Variants in USP10 observed in about 807,000 individuals in gnomAD.
USP10 encodes the protein ubiquitin specific peptidase 10.
USP10 carries 22 observed loss-of-function variants against 84.5 expected under a neutral mutation model. That is an observed-to-expected ratio of 0.26 (90% CI 0.19 to 0.37). The LOEUF (loss-of-function observed/expected upper bound fraction) is 0.37, where lower values mean the gene tolerates loss of function less well. Among genes scored for constraint, USP10 ranks in the 10% least tolerant of loss-of-function variants. USP10 has a pLI of 1.00. For synonymous variants in USP10, 454 were observed against 387.6 expected, an observed-to-expected ratio of 1.17 and a Z score of -2.01; for missense variants, 1,019 against 998.9, an observed-to-expected ratio of 1.02 and a Z score of -0.27.
intron 1 of USP10, among the ~76,000 whole-genome samples, chr16:84,716,755 A>G (rs1231962862): frequency 6.6e-6 from 1 of 152,204 alleles, no homozygotes; most frequent in Non-Finnish European, 1.5e-5. Context: ...AGAGACGCCC[A>G]TTACACCAAG....
Position 84,767,773 on chromosome 16 carries a change from A to T in USP10, c.1833-420A>T, listed in dbSNP as rs923300134. ...GGAGGTGCTATTCAGCAGAATTATT[A>T]TTATTTTTTTTAATTTATTTTTTTA... On this transcript the variant is annotated intron_variant, in intron 10 of 13. Coordinates refer to ENST00000219473, the MANE Select transcript of USP10 (RefSeq NM_005153.3). Among the ~76,000 whole-genome samples, 33 of 140,072 alleles carry T rather than the reference A, an allele frequency of 2.4e-4. No homozygotes were observed. In the East Asian group the frequency reaches 2.9e-3, roughly 12 times the overall value. The allele number at this position is 140,072 out of a possible 152,430, so 91.9% of individuals were successfully genotyped here. A position where few individuals can be genotyped will look rare whatever the true frequency, so the allele number is the denominator to read the frequency against.
intron 10 of USP10, among the ~76,000 whole-genome samples, chr16:84,766,045 T>A (rs1040727520): frequency 6.6e-6 from 1 of 152,046 alleles, no homozygotes; most frequent in African/African-American, 2.4e-5. Flanking sequence ...AGTGACACTC[T>A]TAGTCTGTTG....
At chr16:84,709,751 T>C (rs1414799963) in intron 1 of USP10, among the ~76,000 whole-genome samples, 1 of 152,014 alleles carries the variant, frequency 6.6e-6, no homozygotes, top group Non-Finnish European at 1.5e-5. Context: ...ACGGTGACAT[T>C]TGAGCTGGAG....
intron 11 of USP10, among the ~76,000 whole-genome samples, chr16:84,768,731 T>G (rs370618320): frequency 2.0e-5 from 3 of 152,370 alleles, no homozygotes; most frequent in East Asian, 3.9e-4. Flanking sequence ...AGTTAGGATG[T>G]CAGAGAGATT....
At chr16:84,725,444 G>A (rs1425736033) in intron 1 of USP10, among the ~76,000 whole-genome samples, 1 of 151,840 alleles carries the variant, frequency 6.6e-6, no homozygotes, top group Non-Finnish European at 1.5e-5. Flanking sequence ...TTGTTACCCG[G>A]GCTGGAGTGC....
rs556078300 is a variant in USP10 at position 84,745,597 on chromosome 16, G to C, written c.1116G>C (p.Leu372=). Residue 372 remains leucine, a synonymous_variant, in exon 4 of 14, where the codon CTG becomes CTC. Coordinates refer to ENST00000219473, the MANE Select transcript of USP10 (RefSeq NM_005153.3). ...TKYSPPAISP[L]VSEKQVEVKE... is the part of the protein sequence containing the mutation. The stretch of plus-strand genomic sequence containing the variant: ...ATTCCCCTCCCGCCATATCTCCCCT[G>C]GTTTCTGAAAAGCAGGTTGAAGTCA... 1.5e-4 allele frequency: 234 copies of C among 1,613,454 alleles called. No homozygotes were observed. Among genetic ancestry groups the C allele is most frequent in the Non-Finnish European group, 1.7e-4 (198 of 1,179,730 alleles).
chr16:84,719,567 G>A (rs1479205220), intron 1 of USP10, among the ~76,000 whole-genome samples: 1 of 152,186 alleles, frequency 6.6e-6, no homozygotes, highest in East Asian at 1.9e-4. Flanking sequence ...GTCCAATATG[G>A]TTTATGCTGC....
chr16:84,737,086 C>T (rs1424454989), intron 2 of USP10, among the ~76,000 whole-genome samples: 1 of 152,156 alleles, frequency 6.6e-6, no homozygotes, highest in Non-Finnish European at 1.5e-5. Context: ...CCACGCCCGG[C>T]CTAATTTGGT....
chr16:84,762,684 T>C (rs1327423581), intron 8 of USP10, among the ~76,000 whole-genome samples: 5 of 136,222 alleles, frequency 3.7e-5, no homozygotes, highest in African/African-American at 1.4e-4. Flanking sequence ...GAATGAGACT[T>C]TGTCTCAAAA....
intron 1 of USP10, among the ~76,000 whole-genome samples, chr16:84,707,449 A>G (rs1455462168): frequency 6.6e-6 from 1 of 152,254 alleles, no homozygotes; most frequent in Non-Finnish European, 1.5e-5. Context: ...AGTGAAAAGT[A>G]GAAGTCATTC....
intron 1 of USP10, among the ~76,000 whole-genome samples, chr16:84,729,960 A>T (rs923734497): frequency 1.3e-5 from 2 of 152,218 alleles, no homozygotes; most frequent in African/African-American, 4.8e-5. Flanking sequence ...TGAAACTAAC[A>T]TGCTTATGAA....
intron 3 of USP10, among the ~76,000 whole-genome samples, chr16:84,741,462 T>C (rs1910611838): frequency 6.6e-6 from 1 of 152,256 alleles, no homozygotes; most frequent in Non-Finnish European, 1.5e-5. Context: ...ATGCTGCTCA[T>C]GTTGAACCAG....
At position 84,700,017 on chromosome 16, in the gene USP10, C is replaced by G. The variant is rs1334014818; in HGVS notation, c.-74C>G. ...GCCGATGCGAGTGTGTATGTGCGGG[C>G]GAGAAGATGGCGGCGGCGGGGGAAG... On this transcript the variant is annotated 5_prime_UTR_variant, in exon 1 of 14. Transcript: ENST00000219473. 3.8e-6 allele frequency: 5 copies of G among 1,309,412 alleles called. No individual in the cohort carries two copies. Among genetic ancestry groups the G allele is most frequent in the Non-Finnish European group, 5.0e-6 (5 of 1,001,078 alleles). 81.1% of individuals were successfully genotyped at this position (1,309,412 alleles called of 1,614,324 possible). A position where few individuals can be genotyped will look rare whatever the true frequency, so the allele number is the denominator to read the frequency against.
chr16:84,713,575 C>G (rs187864283), intron 1 of USP10, among the ~76,000 whole-genome samples: 147 of 152,308 alleles, frequency 9.7e-4, no homozygotes, highest in Non-Finnish European at 1.8e-3. Context: ...GCTTTGTTCA[C>G]TGCTGGGGCC....
intron 12 of USP10, 126 bp from the exon 13 acceptor site, chr16:84,775,034 G>C: frequency 1.3e-6 from 1 of 785,130 alleles, no homozygotes; most frequent in Non-Finnish European, 2.2e-6. Flanking sequence ...AAGGGATAGA[G>C]TGTTGTTTTG....
At chr16:84,712,192 A>T (rs1451171224) in intron 1 of USP10, among the ~76,000 whole-genome samples, 1 of 152,172 alleles carries the variant, frequency 6.6e-6, no homozygotes, top group East Asian at 1.9e-4. Context: ...GAGGGCCCTT[A>T]TACTTTGATT....
At chr16:84,747,996 A>C (rs553287042) in intron 4 of USP10, among the ~76,000 whole-genome samples, 8 of 151,580 alleles carry the variant, frequency 5.3e-5, no homozygotes, top group Admixed American at 3.3e-4. Context: ...ACTAAAAAAA[A>C]CCTAAAAATC....
chr16:84,734,923 T>C (rs957196805), intron 2 of USP10, among the ~76,000 whole-genome samples: 2 of 152,232 alleles, frequency 1.3e-5, no homozygotes, highest in African/African-American at 4.8e-5. Context: ...GTCAGCCCCG[T>C]TGGGCAGTGC....
At chr16:84,774,600 A>G (rs1217487854) in intron 12 of USP10, among the ~76,000 whole-genome samples, 3 of 151,162 alleles carry the variant, frequency 2.0e-5, no homozygotes, top group African/African-American at 4.9e-5. Context: ...CCTCCCGAGT[A>G]GCTGAGACTA....
Sources: gnomAD v4.1 joint callset for allele counts (sites outside exome capture counted in the v4.1 genomes callset) on GRCh38, gnomAD v4.1.1 for gene constraint, MANE v1.5 for transcripts, NCBI Gene and HGNC (gene_info 2026-07-23, HGNC 2026-07-21) for gene names.